Variants in GALNT1 observed in about 807,000 individuals in gnomAD.
GALNT1 encodes the protein polypeptide N-acetylgalactosaminyltransferase 1, also known as GalNAc transferase 1.
GALNT1 carries 17 observed loss-of-function variants against 65.7 expected under a neutral mutation model. The observed-to-expected ratio is 0.26, with a 90% CI of 0.18 to 0.39. The LOEUF (loss-of-function observed/expected upper bound fraction) is 0.39, where lower values mean the gene tolerates loss of function less well. GALNT1 is among the 10% of genes least tolerant of loss of function. The probability of loss-of-function intolerance (pLI) is 1.00; values close to 1 mark genes in which losing one functional copy is unlikely to be tolerated. For synonymous variants in GALNT1, 210 were observed against 219.7 expected (o/e 0.96, Z 0.39); for missense variants, 460 against 672.8 (o/e 0.68, Z 3.50).
At chr18:35,697,343 TAGAA>T (rs1456127488) in intron 9 of GALNT1, among the ~76,000 whole-genome samples, 16 of 152,288 alleles carry the variant, frequency 1.1e-4, no homozygotes, top group Non-Finnish European at 1.8e-4. Flanking sequence ...GGTGCTCAAT[TAGAA>T]AGGCGAAGTG....
chr18:35,686,445 G>A (rs967470474), intron 5 of GALNT1, among the ~76,000 whole-genome samples: 8 of 152,186 alleles, frequency 5.3e-5, no homozygotes, highest in African/African-American at 1.7e-4. Flanking sequence ...CTTACTAGGC[G>A]TCAAGACTTA....
At chr18:35,655,217 T>G (rs934859565) in intron 2 of GALNT1, among the ~76,000 whole-genome samples, 1 of 151,984 alleles carries the variant, frequency 6.6e-6, no homozygotes, top group Non-Finnish European at 1.5e-5. Context: ...GGGAAGAAAT[T>G]TTTATAGATA....
chr18:35,653,811 T>C (rs181792237), intron 1 of GALNT1, among the ~76,000 whole-genome samples: 42 of 152,294 alleles, frequency 2.8e-4, no homozygotes, highest in Non-Finnish European at 1.9e-4. Context: ...GGGTGGGAAA[T>C]GGAAACTAAA....
chr18:35,663,963 T>C, intron 3 of GALNT1, 161 bp downstream of exon 3: 1 of 616,140 alleles, frequency 1.6e-6, no homozygotes, highest in Non-Finnish European at 2.8e-6. Flanking sequence ...AGAAATAATA[T>C]CTCAAGCTTC....
intron 1 of GALNT1, among the ~76,000 whole-genome samples, chr18:35,647,286 T>G (rs1057384565): frequency 6.6e-6 from 1 of 152,206 alleles, no homozygotes; most frequent in Non-Finnish European, 1.5e-5. Flanking sequence ...ACAATTGGAA[T>G]TTCACATTTA....
At chr18:35,651,404 A>G (rs2047309815) in intron 1 of GALNT1, among the ~76,000 whole-genome samples, 1 of 152,218 alleles carries the variant, frequency 6.6e-6, no homozygotes, top group Non-Finnish European at 1.5e-5. Context: ...CTGATTTTGT[A>G]ATATATTAAT....
intron 1 of GALNT1, among the ~76,000 whole-genome samples, chr18:35,592,004 C>T (rs969016791): frequency 2.6e-5 from 4 of 152,132 alleles, no homozygotes; most frequent in Admixed American, 2.6e-4. Flanking sequence ...GAGAAGGATT[C>T]CAGGTGGAAC....
intron 1 of GALNT1, among the ~76,000 whole-genome samples, chr18:35,624,633 C>A (rs1328448484): frequency 6.6e-6 from 1 of 152,042 alleles, no homozygotes; most frequent in Non-Finnish European, 1.5e-5. Context: ...ATTCCTTTCT[C>A]ATTTTATTTT....
rs2047917357 is a variant in GALNT1, at chr18:35,689,245, T to C, written c.933T>C (p.Ala311=). The C allele has an allele frequency of 3.7e-6, 6 of 1,611,400 alleles. No homozygotes were observed. In the East Asian group the frequency reaches 1.1e-4, roughly 30 times the overall value. Residue 311 remains alanine (A), a synonymous_variant, in exon 7 of 12, where the codon GCT becomes GCC. Transcript: ENST00000269195. ...TTCAGGAAATTGGAACATATGATGCTGGAATGGATATTTGGGGAGGAGAAA... is the reference window on the plus strand; with the variant it reads ...TTCAGGAAATTGGAACATATGATGCCGGAATGGATATTTGGGGAGGAGAAA... The part of the protein sequence containing the change: ...DYFQEIGTYD[A]GMDIWGGENL...
intron 1 of GALNT1, chr18:35,591,732 A>G (rs1464826209): frequency 6.5e-6 from 1 of 154,418 alleles, no homozygotes; most frequent in Non-Finnish European, 1.5e-5. Flanking sequence ...TTAAGCTTTA[A>G]CATACATGTA....
intron 2 of GALNT1, 112 bp from the exon 3 acceptor site, chr18:35,663,516 A>AT: frequency 8.9e-7 from 1 of 1,117,378 alleles, no homozygotes; most frequent in South Asian, 1.6e-5. Context: ...GTGGGCTCAG[A>AT]AAGGGTTCTG....
At chr18:35,690,810 A>G (rs1161103632) in intron 7 of GALNT1, among the ~76,000 whole-genome samples, 1 of 152,172 alleles carries the variant, frequency 6.6e-6, no homozygotes, top group Non-Finnish European at 1.5e-5. Flanking sequence ...AATGTCATAT[A>G]TGGTCTTTGC....
At chr18:35,663,494 G>A (rs574021257) in intron 2 of GALNT1, 134 bp from the exon 3 acceptor site, 28 of 850,758 alleles carry the variant, frequency 3.3e-5, no homozygotes, top group Non-Finnish European at 4.5e-5. Context: ...AGGGTTAACA[G>A]CCTAGGAGAG....
chr18:35,593,797 C>T (rs1203143270), intron 1 of GALNT1, among the ~76,000 whole-genome samples: 2 of 152,046 alleles, frequency 1.3e-5, no homozygotes, highest in East Asian at 1.9e-4. Flanking sequence ...CAACCTCCGC[C>T]TCTCGGGTTC....
At chr18:35,631,093 G>A (rs530859408) in intron 1 of GALNT1, among the ~76,000 whole-genome samples, 15 of 152,102 alleles carry the variant, frequency 9.9e-5, no homozygotes, top group East Asian at 9.7e-4. Flanking sequence ...GTCCAGAACC[G>A]GCAGATTCAC....
At chr18:35,672,379 G>A (rs1182814973) in intron 3 of GALNT1, among the ~76,000 whole-genome samples, 1 of 152,168 alleles carries the variant, frequency 6.6e-6, no homozygotes, top group African/African-American at 2.4e-5. Flanking sequence ...ATATTAGATG[G>A]TATTTTCTTC....
intron 1 of GALNT1, among the ~76,000 whole-genome samples, chr18:35,630,520 A>C: frequency 6.6e-6 from 1 of 152,214 alleles, no homozygotes. Flanking sequence ...ACAAAGACAC[A>C]ACATACCAGA....
chr18:35,613,961 A>G lies in GALNT1; in HGVS notation c.-104+32099A>G, dbSNP rs186417688. On this transcript the variant is annotated intron_variant, in intron 1 of 11. Transcript: ENST00000269195. ...ATCAAATGAAATCCTCACTGGAGAAATACAGGAACACAGGCCTCAGAGAAT... is the reference window on the plus strand; with the variant it reads ...ATCAAATGAAATCCTCACTGGAGAAGTACAGGAACACAGGCCTCAGAGAAT... Among the ~76,000 whole-genome samples the G allele has an allele frequency of 1.5e-4, 23 of 152,308 alleles. No homozygotes were observed. The East Asian group carries it at 3.5e-3, about 23-fold the overall frequency.
intron 1 of GALNT1, among the ~76,000 whole-genome samples, chr18:35,645,758 G>A (rs992269481): frequency 1.3e-5 from 2 of 152,020 alleles, no homozygotes; most frequent in African/African-American, 4.8e-5. Context: ...TGGACCTTCA[G>A]TACAGTGTCA....
Sources: gnomAD v4.1 joint callset for allele counts (sites outside exome capture counted in the v4.1 genomes callset) on GRCh38, gnomAD v4.1.1 for gene constraint, MANE v1.5 for transcripts, NCBI Gene and HGNC (gene_info 2026-07-23, HGNC 2026-07-21) for gene names.